Variants in EP300 observed in about 807,000 individuals in gnomAD.
The protein encoded by EP300 is histone acetyltransferase p300.
A neutral mutation model predicts 264.0 loss-of-function variants in EP300; 31 were observed. That is an observed-to-expected ratio of 0.12 (90% CI 0.09 to 0.16). The LOEUF is 0.16. Among genes scored for constraint, EP300 ranks in the 10% least tolerant of loss-of-function variants. The pLI, the probability that EP300 is intolerant of heterozygous loss-of-function variation, is 1.00. For missense variants in EP300, 2,766 were observed against 3,052.9 expected (o/e 0.91, Z 2.21); for synonymous variants, 1,340 against 1,045.4 (o/e 1.28, Z -5.44).
intron 6 of EP300, among the ~76,000 whole-genome samples, chr22:41,134,035 C>T (rs1350999755): frequency 1.3e-5 from 2 of 152,090 alleles, no homozygotes; most frequent in African/African-American, 2.4e-5. Flanking sequence ...CAGTCACTGG[C>T]ATGACTATTT....
intron 6 of EP300, among the ~76,000 whole-genome samples, chr22:41,131,975 A>T (rs542690127): frequency 2.5e-4 from 38 of 152,210 alleles, no homozygotes; most frequent in African/African-American, 8.7e-4. Context: ...AGGTGGGTGG[A>T]TCACAAGGTC....
At position 41,179,675 on chromosome 22, in the gene EP300, T is replaced by C. The variant is rs1352436634; in HGVS notation, c.*719T>C. The stretch of plus-strand genomic sequence containing the variant: ...GAGAGAAAAATGACTTTTTCAAAAA[T>C]ATACAGGGGCAGCTGCCAAATTGAT... On this transcript the variant is annotated 3_prime_UTR_variant, in exon 31 of 31. Transcript: ENST00000263253. 1 of 228,636 alleles carries C rather than the reference T, an allele frequency of 4.4e-6. No individual in the cohort carries two copies. The highest frequency in any genetic ancestry group is 8.7e-6 in the Non-Finnish European group (1 of 115,180). 14.2% of individuals were successfully genotyped at this position (228,636 alleles called of 1,614,324 possible). A position where few individuals can be genotyped will look rare whatever the true frequency, so the allele number is the denominator to read the frequency against.
Position 41,154,967 on chromosome 22 carries a change from A to G in EP300, c.3143-28A>G, listed in dbSNP as rs1451824077. Reference sequence around the variant, plus strand: ...AAGTTCTTCTGCTTAATTGGTAACTAATTTCAAATGCACTTTTTTTTTTTA... The same window carrying G: ...AAGTTCTTCTGCTTAATTGGTAACTGATTTCAAATGCACTTTTTTTTTTTA... On this transcript the variant is annotated intron_variant, in intron 16 of 30. Coordinates refer to ENST00000263253, the MANE Select transcript of EP300 (RefSeq NM_001429.4). 2.1e-6 allele frequency: 3 copies of G among 1,454,716 alleles called. No homozygotes were observed. The African/African-American group carries it at 4.2e-5, about 20-fold the overall frequency. The allele number at this position is 1,454,716 out of a possible 1,614,324, so 90.1% of individuals were successfully genotyped here. A position where few individuals can be genotyped will look rare whatever the true frequency, so the allele number is the denominator to read the frequency against.
At chr22:41,138,411 G>A (rs530011589) in intron 8 of EP300, among the ~76,000 whole-genome samples, 1 of 152,100 alleles carries the variant, frequency 6.6e-6, no homozygotes, top group South Asian at 2.1e-4. Context: ...TGATCCGCCT[G>A]CCTCAGCTTC....
intron 3 of EP300, among the ~76,000 whole-genome samples, chr22:41,127,257 C>G (rs898873463): frequency 2.6e-5 from 4 of 151,974 alleles, no homozygotes; most frequent in Non-Finnish European, 5.9e-5. Context: ...TGCTTTTGCT[C>G]TCTGTGTATT....
At chr22:41,108,692 T>G (rs571960434) in intron 1 of EP300, among the ~76,000 whole-genome samples, 1 of 152,248 alleles carries the variant, frequency 6.6e-6, no homozygotes, top group East Asian at 1.9e-4. Context: ...TTACTGAAAG[T>G]GATGTTTGTA....
chr22:41,129,978 T>C lies in EP300; in HGVS notation c.1257T>C (p.Asn419=), dbSNP rs2058908153. The change falls in exon 5 of 31, where the codon AAT becomes AAC. Residue 419 remains asparagine (N), a synonymous_variant. Coordinates refer to ENST00000263253, the MANE Select transcript of EP300 (RefSeq NM_001429.4). ...HDCPVCLPLK[N]AGDKRNQQPI... is the part of the protein sequence containing the mutation. ...GTCCTGTGTGTCTCCCCCTCAAAAA[T>C]GCTGGTGATAAGAGAAATCAACAGC... 1 of 1,613,680 alleles carries C rather than the reference T, an allele frequency of 6.2e-7. No homozygotes were observed. Among genetic ancestry groups the C allele is most frequent in the African/African-American group, 1.3e-5 (1 of 74,928 alleles).
chr22:41,124,615 G>A (rs1440812551), intron 2 of EP300, among the ~76,000 whole-genome samples: 1 of 152,032 alleles, frequency 6.6e-6, no homozygotes, highest in African/African-American at 2.4e-5. Context: ...TGGGCAACAT[G>A]GCAAGACCCT....
intron 16 of EP300, among the ~76,000 whole-genome samples, chr22:41,154,045 G>C (rs1312631190): frequency 6.6e-6 from 1 of 152,054 alleles, no homozygotes; most frequent in Non-Finnish European, 1.5e-5. Context: ...AAATTTTTCC[G>C]GACTTTTTGG....
intron 3 of EP300, 27 bp from the exon 4 acceptor site, chr22:41,127,460 C>G: frequency 1.9e-6 from 3 of 1,613,394 alleles, no homozygotes; most frequent in Non-Finnish European, 2.5e-6. Flanking sequence ...TGACTCCTAC[C>G]ATTAAATATA....
rs542234510 is a variant in EP300, at chr22:41,173,866, C to A, written c.4779+82C>A. On this transcript the variant is annotated intron_variant, in intron 29 of 30. Transcript: ENST00000263253. ...GTGGCTCACACCTGTAATCCCAGCA[C>A]TTTGGGAGGCCAAGGCGGGTGGATC... 3.2e-6 allele frequency: 5 copies of A among 1,556,422 alleles called. No homozygotes were observed. The African/African-American group carries it at 6.8e-5, about 21-fold the overall frequency.
chr22:41,137,962 C>T (rs888854412), intron 8 of EP300, among the ~76,000 whole-genome samples, 172 bp downstream of exon 8: 4 of 152,172 alleles, frequency 2.6e-5, no homozygotes, highest in Non-Finnish European at 5.9e-5. Flanking sequence ...TTTTTTCCTT[C>T]TCAACCTTTC....
intron 1 of EP300, among the ~76,000 whole-genome samples, chr22:41,100,358 A>C (rs2058724685): frequency 6.6e-6 from 1 of 152,242 alleles, no homozygotes; most frequent in Non-Finnish European, 1.5e-5. Context: ...GATAGACTGG[A>C]TAAAGAGAAA....
At position 41,092,976 on chromosome 22, in the gene EP300, C is replaced by T. The variant is rs1248624945; in HGVS notation, c.-29C>T. The T allele has an allele frequency of 1.2e-6, 2 of 1,613,252 alleles. No individual in the cohort carries two copies. Among genetic ancestry groups the T allele is most frequent in the Admixed American group, 1.7e-5 (1 of 60,006 alleles). ...GAGATTTCCTGAGGATTCTGGTTTT[C>T]CTCGCTTGTATCTCCGAAAGAATTA... On this transcript the variant is annotated 5_prime_UTR_variant, in exon 1 of 31. Coordinates refer to ENST00000263253, the MANE Select transcript of EP300 (RefSeq NM_001429.4).
intron 10 of EP300, among the ~76,000 whole-genome samples, chr22:41,145,538 A>G (rs980403174): frequency 6.6e-6 from 1 of 152,244 alleles, no homozygotes; most frequent in Non-Finnish European, 1.5e-5. Flanking sequence ...TGCTGTAAAA[A>G]TATTTTCTCT....
At chr22:41,148,988 A>G (rs1411527929) in intron 12 of EP300, 50 bp from the exon 13 acceptor site, 1 of 1,608,158 alleles carries the variant, frequency 6.2e-7, no homozygotes, top group Non-Finnish European at 8.5e-7. Flanking sequence ...GTTATAGTAG[A>G]ATAACTATAA....
intron 14 of EP300, among the ~76,000 whole-genome samples, chr22:41,150,995 G>A (rs1337866756): frequency 6.6e-6 from 1 of 151,938 alleles, no homozygotes; most frequent in South Asian, 2.1e-4. Flanking sequence ...TAGCTTCCTT[G>A]TGAGAGGTTG....
intron 1 of EP300, among the ~76,000 whole-genome samples, chr22:41,112,684 A>G (rs1400481099): frequency 6.9e-6 from 1 of 145,224 alleles, no homozygotes; most frequent in East Asian, 2.0e-4. Flanking sequence ...TTTTTCTTAT[A>G]TTGGCCATGT....
At chr22:41,162,649 T>A (rs1017368738) in intron 20 of EP300, 74 bp from the exon 21 acceptor site, 1 of 1,200,962 alleles carries the variant, frequency 8.3e-7, no homozygotes, top group African/African-American at 1.5e-5. Flanking sequence ...TGAAGTTTGT[T>A]CCTTTGGTTA....
Sources: gnomAD v4.1 joint callset for allele counts (sites outside exome capture counted in the v4.1 genomes callset) on GRCh38, gnomAD v4.1.1 for gene constraint, MANE v1.5 for transcripts, NCBI Gene and HGNC (gene_info 2026-07-23, HGNC 2026-07-21) for gene names.